Variants in ADARB2 observed in about 807,000 individuals in gnomAD.
The protein encoded by ADARB2 is adenosine deaminase RNA specific B2 (inactive), also known as inactive double-stranded RNA-specific editase B2.
In ADARB2, 25 loss-of-function variants were observed where a neutral mutation model predicts 62.2. The ratio of observed to expected loss-of-function variants is 0.40; its 90% CI spans 0.29 to 0.56. The LOEUF is 0.56. ADARB2 is among the 20% of genes least tolerant of loss of function. The pLI is 0.43. For missense variants in ADARB2, 1,071 were observed against 1,077.4 expected (o/e 0.99, Z 0.08); for synonymous variants, 572 against 500.8 (o/e 1.14, Z -1.90).
intron 1 of ADARB2, among the ~76,000 whole-genome samples, chr10:1,613,918 A>G (rs1833600509): frequency 6.6e-6 from 1 of 152,264 alleles, no homozygotes; most frequent in Non-Finnish European, 1.5e-5. Flanking sequence ...TATAGAGTAC[A>G]AAGCTATTAA....
At chr10:1,291,820 G>A in intron 3 of ADARB2, 1 of 152,564 alleles carries the variant, frequency 6.6e-6, no homozygotes, top group Non-Finnish European at 1.5e-5. Flanking sequence ...TCTGGTGTCT[G>A]GAGGGCCTAG....
chr10:1,678,998 G>C (rs11250723), intron 1 of ADARB2, among the ~76,000 whole-genome samples: 1 of 152,148 alleles, frequency 6.6e-6, no homozygotes, highest in African/African-American at 2.4e-5. Flanking sequence ...AGACATGAGC[G>C]AGTGAGTTCT....
intron 1 of ADARB2, among the ~76,000 whole-genome samples, chr10:1,708,560 G>A (rs1160516868): frequency 6.6e-6 from 1 of 152,200 alleles, no homozygotes; most frequent in Non-Finnish European, 1.5e-5. Flanking sequence ...TCAAGAATTT[G>A]CAGGAAAAGC....
intron 1 of ADARB2, among the ~76,000 whole-genome samples, chr10:1,430,708 C>T (rs542075008): frequency 2.9e-4 from 44 of 151,696 alleles, no homozygotes; most frequent in Admixed American, 1.8e-3. Flanking sequence ...CCTCTGCACT[C>T]CAACCTGGGT....
chr10:1,569,130 A>AAG (rs35411726), intron 1 of ADARB2, among the ~76,000 whole-genome samples: 41,998 of 151,372 alleles, frequency 0.28, 5,987 homozygotes, highest in South Asian at 0.34. Context: ...GACAGAGACA[A>AAG]AGAGAGAGAC....
intron 3 of ADARB2, among the ~76,000 whole-genome samples, chr10:1,316,334 G>A (rs530315296): frequency 1.3e-5 from 2 of 152,250 alleles, no homozygotes; most frequent in Admixed American, 1.3e-4. Flanking sequence ...GCTTCCCTGA[G>A]TCCAGGCTCG....
chr10:1,578,596 G>A (rs745962731), intron 1 of ADARB2, among the ~76,000 whole-genome samples: 3 of 151,982 alleles, frequency 2.0e-5, no homozygotes, highest in South Asian at 2.1e-4. Flanking sequence ...CTGTCGGGCC[G>A]GGTACCCAAA....
Position 1,471,431 on chromosome 10 carries a change from C to T in ADARB2, c.101-92271G>A, listed in dbSNP as rs189391992. 4.7e-3 allele frequency among the ~76,000 whole-genome samples: 715 copies of T among 152,072 alleles called. 1 individual carries two copies. The highest frequency in any genetic ancestry group is 6.7e-3 in the Non-Finnish European group (454 of 68,000). Reference sequence around the variant, plus strand: ...TTGAGATGGAGTTTCGCTCTTGTTGCCCAGGCTGGAGTGCAATGGCGAGGT... The same window carrying T: ...TTGAGATGGAGTTTCGCTCTTGTTGTCCAGGCTGGAGTGCAATGGCGAGGT... On this transcript the variant is annotated intron_variant, in intron 1 of 9. Transcript: ENST00000381312.
intron 1 of ADARB2, among the ~76,000 whole-genome samples, chr10:1,705,449 C>T (rs921005993): frequency 2.0e-5 from 3 of 152,130 alleles, no homozygotes; most frequent in Non-Finnish European, 4.4e-5. Flanking sequence ...CCCAGGGCAG[C>T]AGCAGGAGGA....
chr10:1,218,552 C>T (rs1349512284), intron 6 of ADARB2, among the ~76,000 whole-genome samples: 4 of 152,188 alleles, frequency 2.6e-5, no homozygotes, highest in Admixed American at 6.5e-5. Context: ...TCACTTTCCC[C>T]CACTGACAGT....
intron 3 of ADARB2, among the ~76,000 whole-genome samples, chr10:1,306,483 C>T (rs1276647061): frequency 1.3e-5 from 2 of 151,902 alleles, no homozygotes; most frequent in African/African-American, 4.8e-5. Context: ...GGCCATACTG[C>T]CCAAGGTAAT....
At chr10:1,459,628 G>A (rs2131907427) in intron 1 of ADARB2, among the ~76,000 whole-genome samples, 1 of 152,194 alleles carries the variant, frequency 6.6e-6, no homozygotes, top group East Asian at 1.9e-4. Flanking sequence ...CTGGGCGTGT[G>A]GCACATGCCT....
chr10:1,515,958 T>C (rs1832003421), intron 1 of ADARB2, among the ~76,000 whole-genome samples: 1 of 152,196 alleles, frequency 6.6e-6, no homozygotes, highest in Non-Finnish European at 1.5e-5. Flanking sequence ...GAGTGTGCAG[T>C]GCTAAGATGT....
At chr10:1,543,844 G>C (rs973933006) in intron 1 of ADARB2, among the ~76,000 whole-genome samples, 1 of 152,094 alleles carries the variant, frequency 6.6e-6, no homozygotes, top group Non-Finnish European at 1.5e-5. Flanking sequence ...CAGCCCGCCC[G>C]TGACGTGAGG....
chr10:1,241,278 AGT>A (rs1301560677), intron 5 of ADARB2, among the ~76,000 whole-genome samples: 4 of 151,960 alleles, frequency 2.6e-5, no homozygotes, highest in Non-Finnish European at 5.9e-5. Context: ...GAATGAGCTG[AGT>A]GTGTTAAGGT....
chr10:1,408,437 G>A (rs1476477129), intron 1 of ADARB2, among the ~76,000 whole-genome samples: 2 of 152,120 alleles, frequency 1.3e-5, no homozygotes, highest in Non-Finnish European at 2.9e-5. Flanking sequence ...CCACATCTAT[G>A]ATGATCTTTC....
chr10:1,658,820 C>T (rs1331882802), intron 1 of ADARB2, among the ~76,000 whole-genome samples: 2 of 152,222 alleles, frequency 1.3e-5, no homozygotes, highest in East Asian at 1.9e-4. Context: ...GAGCTAGTCT[C>T]GCGGAGGCTG....
intron 1 of ADARB2, among the ~76,000 whole-genome samples, chr10:1,559,366 G>A (rs1490832088): frequency 2.0e-5 from 3 of 152,204 alleles, no homozygotes; most frequent in East Asian, 3.9e-4. Flanking sequence ...CGTGCGTGGT[G>A]AGGTCGGAGT....
intron 3 of ADARB2, among the ~76,000 whole-genome samples, chr10:1,302,261 G>A (rs1035713413): frequency 1.2e-4 from 18 of 152,328 alleles, no homozygotes; most frequent in Admixed American, 9.8e-4. Flanking sequence ...CAAAGAAAGG[G>A]GTGACGGACG....
Sources: allele counts gnomAD v4.1 joint callset (sites outside exome capture counted in the v4.1 genomes callset), GRCh38; gene constraint gnomAD v4.1.1; transcripts MANE v1.5; gene names NCBI Gene and HGNC (gene_info 2026-07-23, HGNC 2026-07-21).